Variants in PLXNA4 observed in about 807,000 individuals in gnomAD.
PLXNA4 encodes the protein plexin A4, also known as plexin-A4.
Under a neutral mutation model 191.8 loss-of-function variants are expected in PLXNA4, and 44 were observed. The ratio of observed to expected loss-of-function variants is 0.23; its 90% CI spans 0.18 to 0.29. The LOEUF is 0.29. Ranked by LOEUF, PLXNA4 falls within the 10% of genes least tolerant of loss-of-function variation. The pLI, the probability that PLXNA4 is intolerant of heterozygous loss-of-function variation, is 1.00. For synonymous variants in PLXNA4, 1,082 were observed against 1,009.5 expected, an observed-to-expected ratio of 1.07 and a Z score of -1.36; for missense variants, 1,800 against 2,488.8, an observed-to-expected ratio of 0.72 and a Z score of 5.89.
intron 5 of PLXNA4, among the ~76,000 whole-genome samples, chr7:132,240,434 T>C (rs1256249056): frequency 1.3e-5 from 2 of 152,180 alleles, no homozygotes; most frequent in East Asian, 1.9e-4. Context: ...AGGAGGCACA[T>C]TGGCAAGAGG....
intron 4 of PLXNA4, among the ~76,000 whole-genome samples, chr7:132,276,458 T>C (rs1800284755): frequency 1.3e-5 from 2 of 150,598 alleles, no homozygotes; most frequent in African/African-American, 4.9e-5. Flanking sequence ...TTTCCCACCC[T>C]TTCCCTTGGC....
intron 3 of PLXNA4, among the ~76,000 whole-genome samples, chr7:132,353,594 A>T (rs1178654310): frequency 6.6e-6 from 1 of 152,008 alleles, no homozygotes; most frequent in African/African-American, 2.4e-5. Context: ...TTTATTTGGG[A>T]TGTTGACTTT....
At chr7:132,525,449 A>G (rs1799363322) in intron 1 of PLXNA4, among the ~76,000 whole-genome samples, 1 of 151,912 alleles carries the variant, frequency 6.6e-6, no homozygotes, top group Admixed American at 6.6e-5. Flanking sequence ...GATTCTCAGT[A>G]TATTGCCCAG....
intron 1 of PLXNA4, among the ~76,000 whole-genome samples, chr7:132,532,698 G>A (rs1253427413): frequency 6.6e-6 from 1 of 152,184 alleles, no homozygotes; most frequent in Non-Finnish European, 1.5e-5. Flanking sequence ...CCTACACAGT[G>A]AGGGACAGAC....
At chr7:132,523,258 A>G (rs1442868272) in intron 1 of PLXNA4, among the ~76,000 whole-genome samples, 1 of 152,188 alleles carries the variant, frequency 6.6e-6, no homozygotes, top group Non-Finnish European at 1.5e-5. Flanking sequence ...AAGCAAAGTC[A>G]TTTGCTACAA....
At chr7:132,593,148 G>T (rs1173871696) in intron 2 of PLXNA4, among the ~76,000 whole-genome samples, 1 of 152,210 alleles carries the variant, frequency 6.6e-6, no homozygotes, top group African/African-American at 2.4e-5. Flanking sequence ...AGATAAAATC[G>T]CTGGGCCTGG....
chr7:132,427,284 A>G (rs1795081834), intron 3 of PLXNA4, among the ~76,000 whole-genome samples: 1 of 152,204 alleles, frequency 6.6e-6, no homozygotes, highest in South Asian at 2.1e-4. Context: ...GACTGAGGGC[A>G]GGATTGGAGT....
At chr7:132,179,619 G>C in intron 20 of PLXNA4, 68 bp downstream of exon 20, 1 of 1,561,726 alleles carries the variant, frequency 6.4e-7, no homozygotes, top group South Asian at 1.2e-5. Flanking sequence ...CACATACACA[G>C]ATGTGCATGC....
At chr7:132,407,227 C>T (rs1794257692) in intron 3 of PLXNA4, among the ~76,000 whole-genome samples, 2 of 152,194 alleles carry the variant, frequency 1.3e-5, no homozygotes, top group Non-Finnish European at 2.9e-5. Flanking sequence ...TGGCCCAACC[C>T]TTTCTGGGAC....
At chr7:132,172,527 G>A (rs1386932581) in intron 21 of PLXNA4, among the ~76,000 whole-genome samples, 2 of 152,056 alleles carry the variant, frequency 1.3e-5, no homozygotes, top group Non-Finnish European at 2.9e-5. Context: ...TCAATGGCTT[G>A]TTTCCATACT....
intron 4 of PLXNA4, among the ~76,000 whole-genome samples, chr7:132,264,684 C>CTTTTTTTTTTTTTTTT (rs56218905): frequency 7.7e-6 from 1 of 130,324 alleles, no homozygotes. Flanking sequence ...GTCCTCCCCG[C>CTTTTTTTTTTTTTTTT]TTTTTTTTTT....
chr7:132,145,430 T>A, intron 28 of PLXNA4, 142 bp from the exon 29 acceptor site: 1 of 1,130,026 alleles, frequency 8.8e-7, no homozygotes, highest in Non-Finnish European at 1.2e-6. Context: ...GTCCATGCAT[T>A]AAATCATTTT....
At chr7:132,613,292 G>A (rs899065530) in intron 2 of PLXNA4, among the ~76,000 whole-genome samples, 15 of 151,968 alleles carry the variant, frequency 9.9e-5, no homozygotes, top group African/African-American at 2.7e-4. Flanking sequence ...GCCTCCTCAC[G>A]CCACCAGCTT....
chr7:132,159,667 T>C (rs754811351), intron 24 of PLXNA4, 35 bp from the exon 25 acceptor site: 3 of 1,610,790 alleles, frequency 1.9e-6, no homozygotes, highest in African/African-American at 2.7e-5. Context: ...GCATATGAAA[T>C]GGGGTAGCAG....
intron 3 of PLXNA4, among the ~76,000 whole-genome samples, chr7:132,464,467 C>T (rs1796627557): frequency 6.6e-6 from 1 of 152,176 alleles, no homozygotes; most frequent in Admixed American, 6.5e-5. Context: ...GTCAGGGAAC[C>T]TCTTTAACCT....
At chr7:132,218,955 C>A (rs527868936) in intron 9 of PLXNA4, among the ~76,000 whole-genome samples, 1 of 151,996 alleles carries the variant, frequency 6.6e-6, no homozygotes, top group African/African-American at 2.4e-5. Flanking sequence ...TTCACCTGAA[C>A]GCATTCTTTG....
rs143338003 is a variant in PLXNA4 at position 132,128,611 on chromosome 7, G to GACACAC, written c.*1862_*1867dup. ...GAGCTTTCCGCCTACACCTGGGGCA[G>GACACAC]ACACACACACACACATACATGTGCT... is the stretch of plus-strand genomic sequence containing the variant. On this transcript the variant is annotated 3_prime_UTR_variant, in exon 32 of 32. Transcript: ENST00000321063. 1 of 152,016 alleles carries GACACAC rather than the reference G, an allele frequency of 6.6e-6. No individual in the cohort carries two copies. Among genetic ancestry groups the GACACAC allele is most frequent in the Non-Finnish European group, 1.5e-5 (1 of 68,004 alleles). 9.4% of individuals were successfully genotyped at this position (152,016 alleles called of 1,614,324 possible). A position where few individuals can be genotyped will look rare whatever the true frequency, so the allele number is the denominator to read the frequency against.
intron 23 of PLXNA4, 112 bp from the exon 24 acceptor site, chr7:132,164,400 C>A: frequency 6.9e-7 from 1 of 1,445,360 alleles, no homozygotes; most frequent in Non-Finnish European, 9.2e-7. Context: ...CCTGCACCTG[C>A]CCCCACCTGC....
rs116986113 is a variant in PLXNA4, at chr7:132,192,109, G to A, written c.2856+1953C>T. 4.2e-3 allele frequency among the ~76,000 whole-genome samples: 632 copies of A among 152,268 alleles called. 1 individual carries two copies. Among genetic ancestry groups the A allele is most frequent in the Non-Finnish European group, 7.3e-3 (496 of 68,028 alleles). ...TTGGCCCTCGGAGAGCAGAGGTGGAGCAGATGCAGGCCCAGTCATGGTGTG... is the reference window on the plus strand; with the variant it reads ...TTGGCCCTCGGAGAGCAGAGGTGGAACAGATGCAGGCCCAGTCATGGTGTG... On this transcript the variant is annotated intron_variant, in intron 14 of 31. Transcript: ENST00000321063.
Sources: gnomAD v4.1 joint callset for allele counts (sites outside exome capture counted in the v4.1 genomes callset) on GRCh38, gnomAD v4.1.1 for gene constraint, MANE v1.5 for transcripts, NCBI Gene and HGNC (gene_info 2026-07-23, HGNC 2026-07-21) for gene names.